MTF1: variants seen among roughly 807,000 people sequenced by gnomAD.
MTF1 encodes MRE-binding transcription factor.
A neutral mutation model predicts 70.4 loss-of-function variants in MTF1; 22 were observed. The ratio of observed to expected loss-of-function variants is 0.31; its 90% confidence interval spans 0.22 to 0.45. MTF1 has a LOEUF of 0.45. Ranked by LOEUF, MTF1 falls within the 20% of genes least tolerant of loss-of-function variation. The probability of loss-of-function intolerance (pLI) is 1.00; values close to 1 mark genes in which losing one functional copy is unlikely to be tolerated. For synonymous variants in MTF1, 333 were observed against 352.8 expected (o/e 0.94, Z 0.63); for missense variants, 649 against 922.0 (o/e 0.70, Z 3.83).
intron 2 of MTF1, among the ~76,000 whole-genome samples, chr1:37,855,762 G>A (rs747436481): frequency 8.5e-5 from 13 of 152,116 alleles, no homozygotes; most frequent in Non-Finnish European, 1.6e-4. Flanking sequence ...TTCGAGACCA[G>A]CCTGGCTAAC....
rs1352431367 is a variant in MTF1 at position 37,811,558 on chromosome 1, TTTTTA to T, written c.*3573_*3577del. The T allele has an allele frequency of 2.0e-5, 3 of 152,368 alleles. No individual in the cohort carries two copies. The highest frequency in any genetic ancestry group is 1.9e-4 in the East Asian group (1 of 5,204). The allele number at this position is 152,368 out of a possible 1,614,324, so 9.4% of individuals were successfully genotyped here. On this transcript the variant is annotated 3_prime_UTR_variant, in exon 11 of 11. Coordinates refer to ENST00000373036, the MANE Select transcript of MTF1 (RefSeq NM_005955.3). ...TAAAGATAAAATAACCTAAAGTGCTTTTTTATTTTATTATTTCTTTAATATACCAA... is the reference window on the plus strand; with the variant it reads ...TAAAGATAAAATAACCTAAAGTGCTTTTTTATTATTTCTTTAATATACCAA...
intron 7 of MTF1, chr1:37,828,341 G>A: frequency 2.7e-6 from 1 of 365,194 alleles, no homozygotes; most frequent in South Asian, 2.0e-5. Context: ...TTTCGCTCTT[G>A]TCACCCAGAC....
chr1:37,844,556 T>C (rs1641305806), intron 2 of MTF1, among the ~76,000 whole-genome samples: 1 of 152,282 alleles, frequency 6.6e-6, no homozygotes. Flanking sequence ...AGATAGAGAA[T>C]TGAAAATGAT....
chr1:37,809,999 CTG>C lies in MTF1; in HGVS notation c.*5135_*5136del, dbSNP rs150839100. The C allele has an allele frequency of 3.3e-5, 5 of 152,556 alleles. No individual in the cohort carries two copies. The East Asian group carries it at 9.6e-4, about 29-fold the overall frequency. The allele number at this position is 152,556 out of a possible 1,614,324, so 9.5% of individuals were successfully genotyped here. A position where few individuals can be genotyped will look rare whatever the true frequency, so the allele number is the denominator to read the frequency against. On this transcript the variant is annotated 3_prime_UTR_variant, in exon 11 of 11. Coordinates refer to ENST00000373036, the MANE Select transcript of MTF1 (RefSeq NM_005955.3). ...TCTGAGCCAGAAATTCAGCAAAAAT[CTG>C]TTTCCAGCCACCCTCCCCAAATAGG...
At chr1:37,827,823 A>G (rs1641027730) in intron 7 of MTF1, among the ~76,000 whole-genome samples, 1 of 152,216 alleles carries the variant, frequency 6.6e-6, no homozygotes, top group African/African-American at 2.4e-5. Flanking sequence ...GGTTTTTGCC[A>G]TTACTTTCAA....
rs931521394 is a variant in MTF1 at position 37,837,824 on chromosome 1, G to C, written c.779+801C>G. Among the ~76,000 whole-genome samples, 4 of 152,164 alleles carry C rather than the reference G, an allele frequency of 2.6e-5. No homozygotes were observed. In the East Asian group the frequency reaches 7.7e-4, roughly 29 times the overall value. On this transcript the variant is annotated intron_variant, in intron 4 of 10. Coordinates refer to ENST00000373036, the MANE Select transcript of MTF1 (RefSeq NM_005955.3). ...CCCGGCCTCAAAGACATTGTTTATG[G>C]GCAGTTTTTGGCAATACATCTATCT...
chr1:37,838,900 G>C (rs1253490557), intron 3 of MTF1, 144 bp from the exon 4 acceptor site: 2 of 571,356 alleles, frequency 3.5e-6, no homozygotes, highest in African/African-American at 3.7e-5. Flanking sequence ...CTCCTGCTAG[G>C]TTCAAGCGAT....
At position 37,815,338 on chromosome 1, in the gene MTF1, G is replaced by A; in HGVS notation, c.2060C>T (p.Ser687Leu). 6.2e-7 allele frequency: 1 copy of A among 1,614,128 alleles called. No individual in the cohort carries two copies. The highest frequency in any genetic ancestry group is 8.5e-7 in the Non-Finnish European group (1 of 1,180,040). ...ACAGGAGGAGGGCAAGGTAGAGGAT[G>A]ATGACCCGGGAACAGGGGCTGAAGA... ...TFSSAPVPGS[S>L]SSTLPSSCEQ... The change falls in exon 11 of 11, where the codon TCA becomes TTA. Residue 687 changes from serine to leucine, a missense_variant. Physicochemically the swap from Ser to Leu is moderately radical, Grantham distance 145. Around this residue, in one of 7 missense-constraint regions of MTF1, gnomAD observed 138 missense variants for 134.4 expected, o/e 1.03. Transcript: ENST00000373036. The surrounding 1 kb of genome is among the most constrained non-coding windows in gnomAD (Gnocchi z 4.5).
intron 2 of MTF1, among the ~76,000 whole-genome samples, chr1:37,851,772 T>C (rs1641421194): frequency 6.6e-6 from 1 of 151,966 alleles, no homozygotes; most frequent in Non-Finnish European, 1.5e-5. Context: ...ATGTCCAAAT[T>C]ACCTATGCTA....
chr1:37,830,641 A>G (rs1273855933), intron 7 of MTF1, among the ~76,000 whole-genome samples: 2 of 152,202 alleles, frequency 1.3e-5, no homozygotes, highest in Admixed American at 6.5e-5. Flanking sequence ...CGTGTTTACT[A>G]ATTTGGGATT....
Position 37,822,563 on chromosome 1 carries a change from G to A in MTF1, c.1325C>T (p.Ala442Val). 1 of 1,614,084 alleles carries A rather than the reference G, an allele frequency of 6.2e-7. No homozygotes were observed. Among genetic ancestry groups the A allele is most frequent in the Non-Finnish European group, 8.5e-7 (1 of 1,180,024 alleles). ...QPLLPASAPS[A>V]PPPAPSLGPG... ...TCCTAGGGAGGGAGCAGGCGGAGGA[G>A]CAGACGGAGCTGAGGCAGGTAGTAG... Residue 442 changes from alanine to valine, a missense_variant, in exon 9 of 11, where the codon GCT becomes GTT. Around this residue, in one of 7 missense-constraint regions of MTF1, gnomAD observed 267 missense variants for 292.1 expected, o/e 0.91. Transcript: ENST00000373036.
intron 8 of MTF1, among the ~76,000 whole-genome samples, chr1:37,823,372 G>A (rs1253564315): frequency 6.6e-6 from 1 of 152,110 alleles, no homozygotes; most frequent in African/African-American, 2.4e-5. Context: ...AAGCCTGGAG[G>A]TGGAGGTTGC....
Position 37,809,943 on chromosome 1 carries a change from T to C in MTF1, c.*5193A>G, listed in dbSNP as rs1248909568. The C allele has an allele frequency of 6.6e-6, 1 of 152,576 alleles. No homozygotes were observed. The highest frequency in any genetic ancestry group is 2.1e-4 in the South Asian group (1 of 4,832). The allele number at this position is 152,576 out of a possible 1,614,324, so 9.5% of individuals were successfully genotyped here. A position where few individuals can be genotyped will look rare whatever the true frequency, so the allele number is the denominator to read the frequency against. ...TAGTGTATGTCAAAAAAAAGGGCTC[T>C]TGGGGGCTCTTGCCTTTCCTGGCTA... is the stretch of plus-strand genomic sequence containing the variant. On this transcript the variant is annotated 3_prime_UTR_variant, in exon 11 of 11. Transcript: ENST00000373036.
At chr1:37,818,348 A>T (rs1640850987) in intron 9 of MTF1, among the ~76,000 whole-genome samples, 1 of 152,142 alleles carries the variant, frequency 6.6e-6, no homozygotes, top group African/African-American at 2.4e-5. Context: ...TGGAAGACTG[A>T]AGGAGGATCA....
chr1:37,840,412 GT>G lies in MTF1; in HGVS notation c.409-255del. 1.8e-6 allele frequency: 1 copy of G among 549,792 alleles called. No homozygotes were observed. The highest frequency in any genetic ancestry group is 3.4e-6 in the Non-Finnish European group (1 of 298,080). 34.1% of individuals were successfully genotyped at this position (549,792 alleles called of 1,614,324 possible). On this transcript the variant is annotated intron_variant, in intron 2 of 10. Transcript: ENST00000373036. The surrounding 1 kb of genome is among the most constrained non-coding windows in gnomAD (Gnocchi z 4.5). ...GAATATTCTAAATGAACATAAGAAT[GT>G]TTTCAGACTCTATATACATCTACCC... is the stretch of plus-strand genomic sequence containing the variant.
chr1:37,820,879 A>G (rs1183554546), intron 9 of MTF1, among the ~76,000 whole-genome samples: 1 of 152,142 alleles, frequency 6.6e-6, no homozygotes, highest in Non-Finnish European at 1.5e-5. Context: ...AGAAAAAACA[A>G]TAATAATAAT....
rs201685070 is a variant in MTF1, at chr1:37,815,465, G to C, written c.1933C>G (p.Arg645Gly). The change falls in exon 11 of 11, where the codon CGG becomes GGG. Residue 645 changes from arginine (R) to glycine (G), a missense_variant. Around this residue, in one of 7 missense-constraint regions of MTF1, gnomAD observed 138 missense variants for 134.4 expected, o/e 1.03. Transcript: ENST00000373036. This position sits in a 1 kb window ranked among gnomAD's most constrained non-coding sequence, Gnocchi z 4.5. ...CAGCCCTTTCTCCTGCTGGATGCCC[G>C]CTCCTTTGCAGAGTCCCGGCATGCA... ...QCACRDSAKE[R>G]ASSRRKGCSS... 4 of 1,603,578 alleles carry C rather than the reference G, an allele frequency of 2.5e-6. No individual in the cohort carries two copies. The highest frequency in any genetic ancestry group is 2.6e-6 in the Non-Finnish European group (3 of 1,174,708).
At chr1:37,827,232 T>C (rs1319607243) in intron 7 of MTF1, among the ~76,000 whole-genome samples, 2 of 152,098 alleles carry the variant, frequency 1.3e-5, no homozygotes, top group African/African-American at 2.4e-5. Context: ...AAATGCTGAT[T>C]ATAAACCACT....
intron 6 of MTF1, chr1:37,834,537 C>T: frequency 2.8e-6 from 1 of 357,324 alleles, no homozygotes; most frequent in Non-Finnish European, 5.7e-6. Flanking sequence ...ACATTATCTG[C>T]TTTATGGTTC....
Sources: gnomAD v4.1 joint callset for allele counts (sites outside exome capture counted in the v4.1 genomes callset) on GRCh38, gnomAD v4.1.1 for gene constraint, gnomAD v4.1.1 regional missense constraint, Gnocchi (gnomAD v3.1) non-coding constraint, MANE v1.5 for transcripts, NCBI Gene and HGNC (gene_info 2026-07-23, HGNC 2026-07-21) for gene names.